The following LRBA variants were observed in gnomAD, a reference collection of about 807,000 sequenced individuals.
LRBA encodes LPS responsive beige-like anchor protein, also known as lipopolysaccharide-responsive and beige-like anchor protein.
A neutral mutation model predicts 330.0 loss-of-function variants in LRBA; 176 were observed. The observed-to-expected ratio is 0.53, with a 90% CI of 0.47 to 0.60. The LOEUF (loss-of-function observed/expected upper bound fraction) is 0.60. Ranked by LOEUF, LRBA falls within the 20% of genes least tolerant of loss-of-function variation. The probability of loss-of-function intolerance (pLI) is 0.00; values close to 1 mark genes in which losing one functional copy is unlikely to be tolerated. For missense variants in LRBA, 3,259 were observed against 3,444.8 expected (o/e 0.95, Z 1.35); for synonymous variants, 1,230 against 1,193.0 (o/e 1.03, Z -0.64).
chr4:150,664,556 T>C (rs1352341178), intron 37 of LRBA, among the ~76,000 whole-genome samples: 1 of 152,150 alleles, frequency 6.6e-6, no homozygotes, highest in Admixed American at 6.5e-5. Flanking sequence ...GTATATATAA[T>C]CCAAAAACTC....
At chr4:150,461,873 T>C (rs1754819725) in intron 44 of LRBA, among the ~76,000 whole-genome samples, 1 of 151,710 alleles carries the variant, frequency 6.6e-6, no homozygotes, top group African/African-American at 2.4e-5. Flanking sequence ...CCTCAGATTG[T>C]CTTGGTTTCC....
In LRBA at chr4:150,844,219, T is replaced by TA. The variant is rs750589475; in HGVS notation, c.4462-13dup. The TA allele has an allele frequency of 2.0e-4, 273 of 1,366,364 alleles. No homozygotes were observed. Among genetic ancestry groups the TA allele is most frequent in the South Asian group, 3.5e-4 (27 of 76,750 alleles). 84.6% of individuals were successfully genotyped at this position (1,366,364 alleles called of 1,614,324 possible). ...ATGTCCACTGGGCTCTATTTAAGAT[T>TA]AAAAAAAAATTGTATATATATATAT... On this transcript the variant is annotated splice_polypyrimidine_tract_variant and intron_variant, in intron 27 of 56. Coordinates refer to ENST00000651943, the MANE Select transcript of LRBA (RefSeq NM_001364905.1).
chr4:150,956,227 G>T (rs1270896243), intron 2 of LRBA, among the ~76,000 whole-genome samples: 1 of 148,794 alleles, frequency 6.7e-6, no homozygotes, highest in Non-Finnish European at 1.5e-5. Context: ...AGATTATAAA[G>T]ACACACTATG....
intron 2 of LRBA, among the ~76,000 whole-genome samples, chr4:150,931,128 CTT>C (rs1275460292): frequency 2.0e-5 from 3 of 151,992 alleles, no homozygotes; most frequent in African/African-American, 7.2e-5. Context: ...TTGTCTGTAA[CTT>C]TTTATTTTGA....
intron 37 of LRBA, among the ~76,000 whole-genome samples, chr4:150,625,538 CACAA>C (rs546578510): frequency 1.2e-3 from 188 of 152,034 alleles, no homozygotes; most frequent in African/African-American, 4.3e-3. Flanking sequence ...CTCCACTGTT[CACAA>C]ACAATCTTGG....
intron 17 of LRBA, among the ~76,000 whole-genome samples, chr4:150,880,870 G>A (rs1728303919): frequency 6.6e-6 from 1 of 152,136 alleles, no homozygotes; most frequent in Admixed American, 6.6e-5. Context: ...ATTAAAAAAT[G>A]GGAAACGCCA....
At chr4:150,304,710 A>G (rs1175562929) in intron 52 of LRBA, among the ~76,000 whole-genome samples, 2 of 152,238 alleles carry the variant, frequency 1.3e-5, no homozygotes, top group Admixed American at 6.5e-5. Context: ...TGTGAAATAT[A>G]TAATAATTTT....
At chr4:150,578,871 C>T (rs1770866328) in intron 40 of LRBA, among the ~76,000 whole-genome samples, 1 of 152,178 alleles carries the variant, frequency 6.6e-6, no homozygotes, top group Admixed American at 6.5e-5. Context: ...GCAGCTAGCC[C>T]AGCACCACAG....
At chr4:150,990,628 TG>T (rs1741966774) in intron 2 of LRBA, among the ~76,000 whole-genome samples, 2 of 151,864 alleles carry the variant, frequency 1.3e-5, no homozygotes, top group South Asian at 4.2e-4. Context: ...CCCAGCTACT[TG>T]GGAGGCTGAG....
chr4:150,340,641 G>A (rs556716276), intron 48 of LRBA, among the ~76,000 whole-genome samples: 17 of 152,092 alleles, frequency 1.1e-4, no homozygotes, highest in Non-Finnish European at 2.5e-4. Context: ...AGCTTAAAGT[G>A]CTTTTCATAT....
chr4:150,787,448 C>T (rs188461509), intron 34 of LRBA, among the ~76,000 whole-genome samples: 36 of 152,138 alleles, frequency 2.4e-4, no homozygotes, highest in Non-Finnish European at 3.7e-4. Context: ...GGATATGATA[C>T]GTTTAATTTT....
intron 2 of LRBA, among the ~76,000 whole-genome samples, chr4:150,938,538 A>C (rs1208647661): frequency 6.6e-6 from 1 of 152,226 alleles, no homozygotes; most frequent in Non-Finnish European, 1.5e-5. Flanking sequence ...AATGAAAAGC[A>C]TTCCTGATCA....
At chr4:150,504,034 T>C (rs1252227171) in intron 40 of LRBA, among the ~76,000 whole-genome samples, 1 of 151,660 alleles carries the variant, frequency 6.6e-6, no homozygotes, top group Non-Finnish European at 1.5e-5. Context: ...AGAAGAGAAG[T>C]TTAGAGAAAA....
intron 8 of LRBA, 137 bp downstream of exon 8, chr4:150,915,471 C>T (rs1286308284): frequency 2.9e-6 from 2 of 692,974 alleles, no homozygotes; most frequent in Admixed American, 6.5e-5. Flanking sequence ...TATTAACATG[C>T]TAGCCAAATT....
intron 43 of LRBA, among the ~76,000 whole-genome samples, chr4:150,470,524 C>T (rs1755968646): frequency 6.6e-6 from 1 of 152,106 alleles, no homozygotes; most frequent in South Asian, 2.1e-4. Context: ...AATCCAATGT[C>T]CTAGTTCTAA....
chr4:150,959,054 C>T (rs1042906999), intron 2 of LRBA, among the ~76,000 whole-genome samples: 7 of 149,342 alleles, frequency 4.7e-5, no homozygotes, highest in Non-Finnish European at 8.8e-5. Flanking sequence ...ATTTACTGTC[C>T]GAGTCTGTTC....
chr4:150,473,598 T>C (rs957751133), intron 42 of LRBA, among the ~76,000 whole-genome samples: 5 of 152,144 alleles, frequency 3.3e-5, no homozygotes, highest in African/African-American at 1.2e-4. Flanking sequence ...TCTCCTCCTC[T>C]TGGATAGCAG....
Position 150,870,666 on chromosome 4 carries a change from G to GAACTTTAAGTGCATCACTATTAATT in LRBA, c.2368-85_2368-61dup. ...TCACTGGATTAGCATCACTATTAAT[G>GAACTTTAAGTGCATCACTATTAATT]AACTTTAAGTGCATCACTATTAATT... is the stretch of plus-strand genomic sequence containing the variant. On this transcript the variant is annotated intron_variant, in intron 19 of 56. Transcript: ENST00000651943. 3.7e-6 allele frequency: 3 copies of GAACTTTAAGTGCATCACTATTAATT among 802,428 alleles called. No individual in the cohort carries two copies. In the East Asian group the frequency reaches 7.3e-5, roughly 20 times the overall value. 49.7% of individuals were successfully genotyped at this position (802,428 alleles called of 1,614,324 possible).
chr4:150,488,039 T>C (rs1305316599), intron 41 of LRBA, among the ~76,000 whole-genome samples: 2 of 151,664 alleles, frequency 1.3e-5, no homozygotes, highest in South Asian at 2.1e-4. Flanking sequence ...TCTTTTACCA[T>C]AGACAGTGCT....
Sources: allele counts gnomAD v4.1 joint callset (sites outside exome capture counted in the v4.1 genomes callset), GRCh38; gene constraint gnomAD v4.1.1; transcripts MANE v1.5; gene names NCBI Gene and HGNC (gene_info 2026-07-23, HGNC 2026-07-21).